The following OSBPL10 variants were observed in gnomAD, a reference collection of about 807,000 sequenced individuals.
The protein encoded by OSBPL10 is oxysterol binding protein like 10, also known as oxysterol-binding protein-related protein 10.
A neutral mutation model predicts 81.7 loss-of-function variants in OSBPL10; 49 were observed. That is an observed-to-expected ratio of 0.60 (90% CI 0.48 to 0.76). The LOEUF (loss-of-function observed/expected upper bound fraction) is 0.76, where lower values mean the gene tolerates loss of function less well. Among genes scored for constraint, OSBPL10 ranks in the 30% least tolerant of loss-of-function variants. The probability of loss-of-function intolerance (pLI) is 0.00; values close to 1 mark genes in which losing one functional copy is unlikely to be tolerated. For missense variants in OSBPL10, 923 were observed against 987.8 expected (o/e 0.93, Z 0.88); for synonymous variants, 419 against 383.6 (o/e 1.09, Z -1.08).
At chr3:31,937,959 C>T (rs1697427230) in intron 1 of OSBPL10, among the ~76,000 whole-genome samples, 1 of 152,184 alleles carries the variant, frequency 6.6e-6, no homozygotes, top group African/African-American at 2.4e-5. Context: ...CCAATTAGTT[C>T]CTTGACCTCA....
intron 6 of OSBPL10, among the ~76,000 whole-genome samples, chr3:31,716,455 A>T (rs1696438153): frequency 6.6e-6 from 1 of 152,098 alleles, no homozygotes; most frequent in African/African-American, 2.4e-5. Context: ...CTGCTCCCCG[A>T]GGCCCTCCAG....
chr3:31,704,207 G>C (rs927556178), intron 6 of OSBPL10: 3 of 152,414 alleles, frequency 2.0e-5, no homozygotes, highest in African/African-American at 4.8e-5. Flanking sequence ...TGTCCTCCTG[G>C]CTCTCCTCCC....
intron 2 of OSBPL10, chr3:31,989,596 G>C (rs1363475482): frequency 6.2e-7 from 1 of 1,614,176 alleles, no homozygotes; most frequent in Non-Finnish European, 8.5e-7. Flanking sequence ...TCAGACCAAA[G>C]GGAAAGTTGG....
chr3:31,994,165 T>C (rs1699064402), intron 2 of OSBPL10, among the ~76,000 whole-genome samples: 1 of 152,198 alleles, frequency 6.6e-6, no homozygotes, highest in Admixed American at 6.5e-5. Context: ...AATGACATTC[T>C]GGAAAAGGCA....
chr3:31,842,411 G>A (rs12636608), intron 3 of OSBPL10, among the ~76,000 whole-genome samples: 13,687 of 152,182 alleles, frequency 0.09, 1,577 homozygotes, highest in African/African-American at 0.27. Flanking sequence ...TTACAGAAGT[G>A]GCATTGGCTA....
intron 1 of OSBPL10, among the ~76,000 whole-genome samples, chr3:31,961,558 GA>G (rs1194207154): frequency 6.6e-6 from 1 of 152,058 alleles, no homozygotes; most frequent in Non-Finnish European, 1.5e-5. Context: ...ATAATGCTGG[GA>G]GGGGGCTGGG....
intron 4 of OSBPL10, among the ~76,000 whole-genome samples, chr3:31,762,149 T>C (rs906357568): frequency 3.3e-5 from 5 of 152,096 alleles, no homozygotes; most frequent in African/African-American, 1.2e-4. Flanking sequence ...CAGAACCCAC[T>C]AGAAGCCTCT....
rs369949009 is a variant in OSBPL10, at chr3:31,872,451, TG to T, written c.537+3981del. 4.9e-3 allele frequency among the ~76,000 whole-genome samples: 674 copies of T among 137,708 alleles called. 7 individuals carry two copies. The highest frequency in any genetic ancestry group is 0.021 in the African/African-American group (627 of 30,346). The allele number at this position is 137,708 out of a possible 152,430, so 90.3% of individuals were successfully genotyped here. A position where few individuals can be genotyped will look rare whatever the true frequency, so the allele number is the denominator to read the frequency against. On this transcript the variant is annotated intron_variant, in intron 3 of 11. Coordinates refer to ENST00000396556, the MANE Select transcript of OSBPL10 (RefSeq NM_017784.5). ...CCAATACGTGTTTTGTTTTTGTTGT[TG>T]TTTTTTTTTTTTTTTTAAGTCTGGG...
intron 11 of OSBPL10, chr3:31,663,756 C>CT (rs1700119645): frequency 8.4e-7 from 1 of 1,196,588 alleles, no homozygotes; most frequent in South Asian, 2.0e-5. Context: ...TGATGATTTT[C>CT]TTTTTAAAAA....
chr3:31,955,267 T>G (rs989524316), intron 1 of OSBPL10, among the ~76,000 whole-genome samples: 24 of 152,250 alleles, frequency 1.6e-4, no homozygotes, highest in African/African-American at 5.3e-4. Context: ...TCATATGCCA[T>G]CTGGTCTTAC....
chr3:31,933,293 A>T (rs1697298796), intron 1 of OSBPL10, among the ~76,000 whole-genome samples: 1 of 152,228 alleles, frequency 6.6e-6, no homozygotes, highest in Non-Finnish European at 1.5e-5. Flanking sequence ...CTTCAGCTGC[A>T]GAATGAGGAG....
chr3:32,026,060 TA>T (rs55705189), intron 2 of OSBPL10, among the ~76,000 whole-genome samples: 3,084 of 93,970 alleles, frequency 0.033, 47 homozygotes, highest in Middle Eastern at 0.075. Flanking sequence ...AGATAGATGA[TA>T]GATAGATAGA....
At chr3:31,849,973 T>A (rs892407552) in intron 3 of OSBPL10, among the ~76,000 whole-genome samples, 1 of 152,182 alleles carries the variant, frequency 6.6e-6, no homozygotes, top group African/African-American at 2.4e-5. Context: ...GACACCAGCC[T>A]GGCCAACACA....
At position 31,757,310 on chromosome 3, in the gene OSBPL10, A is replaced by T. The variant is rs1697916573; in HGVS notation, c.730-9190T>A. ...TGACTGGTGTTCTTATAAAAAGGGGAAATTTGGGCCAGGAATAGTGGCTCA... is the reference window on the plus strand; with the variant it reads ...TGACTGGTGTTCTTATAAAAAGGGGTAATTTGGGCCAGGAATAGTGGCTCA... On this transcript the variant is annotated intron_variant, in intron 4 of 11. Coordinates refer to ENST00000396556, the MANE Select transcript of OSBPL10 (RefSeq NM_017784.5). 2.0e-5 allele frequency among the ~76,000 whole-genome samples: 3 copies of T among 151,990 alleles called. No homozygotes were observed. In the East Asian group the frequency reaches 5.8e-4, roughly 29 times the overall value.
chr3:31,892,572 C>A (rs974266092), intron 1 of OSBPL10, among the ~76,000 whole-genome samples: 2 of 152,148 alleles, frequency 1.3e-5, no homozygotes, highest in Non-Finnish European at 2.9e-5. Flanking sequence ...CAAAAGCAAC[C>A]ATTTCAGAAC....
intron 1 of OSBPL10, among the ~76,000 whole-genome samples, chr3:31,936,959 T>A (rs955864238): frequency 2.0e-5 from 3 of 152,194 alleles, no homozygotes; most frequent in Non-Finnish European, 4.4e-5. Context: ...CAGTTGAGAT[T>A]ATTCACTCTT....
intron 1 of OSBPL10, among the ~76,000 whole-genome samples, chr3:31,962,349 TAAC>T (rs1276396053): frequency 1.3e-5 from 2 of 152,134 alleles, no homozygotes; most frequent in African/African-American, 4.8e-5. Context: ...TCTAAGCAAA[TAAC>T]AACAATAAAG....
At chr3:31,994,221 A>G (rs1278397596) in intron 2 of OSBPL10, among the ~76,000 whole-genome samples, 2 of 152,174 alleles carry the variant, frequency 1.3e-5, no homozygotes, top group African/African-American at 4.8e-5. Context: ...AAGAGTTAAG[A>G]GTGGAGCAAG....
intron 4 of OSBPL10, among the ~76,000 whole-genome samples, chr3:31,827,932 A>C (rs1204790700): frequency 2.6e-5 from 4 of 152,212 alleles, no homozygotes; most frequent in Admixed American, 2.6e-4. Context: ...GTTGAATCAA[A>C]CGCTACTAAT....
Sources: allele counts gnomAD v4.1 joint callset (sites outside exome capture counted in the v4.1 genomes callset), GRCh38; gene constraint gnomAD v4.1.1; transcripts MANE v1.5; gene names NCBI Gene and HGNC (gene_info 2026-07-23, HGNC 2026-07-21).